Variants in FSTL4 observed in about 807,000 individuals in gnomAD.
The protein encoded by FSTL4 is follistatin like 4.
A neutral mutation model predicts 78.2 loss-of-function variants in FSTL4; 28 were observed. The observed-to-expected ratio is 0.36, with a 90% CI of 0.27 to 0.49. The LOEUF (loss-of-function observed/expected upper bound fraction) is 0.49, where lower values mean the gene tolerates loss of function less well. FSTL4 is among the 20% of genes least tolerant of loss of function. FSTL4 has a pLI of 0.98. For missense variants in FSTL4, 922 were observed against 1,084.9 expected (o/e 0.85, Z 2.11); for synonymous variants, 422 against 440.5 (o/e 0.96, Z 0.53).
intron 3 of FSTL4, among the ~76,000 whole-genome samples, chr5:133,545,760 T>C (rs1016199644): frequency 6.6e-6 from 1 of 152,210 alleles, no homozygotes; most frequent in Admixed American, 6.5e-5. Context: ...AAAAAGCCTA[T>C]ATTGCCATGA....
rs1750580189 is a variant in FSTL4, at chr5:133,207,976, A to ATCTT, written c.1716+2211_1716+2214dup. 7 of 152,142 alleles carry ATCTT rather than the reference A, an allele frequency of 4.6e-5. No individual in the cohort carries two copies. In the South Asian group the frequency reaches 1.5e-3, roughly 32 times the overall value. The allele number at this position is 152,142 out of a possible 1,614,324, so 9.4% of individuals were successfully genotyped here. A position where few individuals can be genotyped will look rare whatever the true frequency, so the allele number is the denominator to read the frequency against. ...CCTACTCTTTTTACTGAAACAATTT[A>ATCTT]TCTTTAGTTACAGCTTGGTATCAGA... On this transcript the variant is annotated intron_variant, in intron 14 of 15. Coordinates refer to ENST00000265342, the MANE Select transcript of FSTL4 (RefSeq NM_015082.2).
At chr5:133,317,914 G>A (rs1753948832) in intron 4 of FSTL4, among the ~76,000 whole-genome samples, 1 of 152,192 alleles carries the variant, frequency 6.6e-6, no homozygotes, top group South Asian at 2.1e-4. Context: ...GAAGCTACTG[G>A]GGGGAAAGGG....
At chr5:133,640,881 G>T in the FSTL4 span, among the ~76,000 whole-genome samples, 1 of 152,208 alleles carries the variant, frequency 6.6e-6, no homozygotes, top group Non-Finnish European at 1.5e-5. Flanking sequence ...CTGCCTCGCT[G>T]CTCTGGAGAG....
At chr5:133,763,817 C>A in the FSTL4 span, among the ~76,000 whole-genome samples, 4 of 152,170 alleles carry the variant, frequency 2.6e-5, no homozygotes, top group Admixed American at 2.6e-4. Flanking sequence ...AGACCAAGAC[C>A]CCAGGCCCCT....
At chr5:133,222,421 G>A (rs890818) in intron 11 of FSTL4, among the ~76,000 whole-genome samples, 41,152 of 151,944 alleles carry the variant, frequency 0.27, 8,304 homozygotes, top group African/African-American at 0.55. Flanking sequence ...CACCCACAGC[G>A]GGAACTTCTC....
Position 133,578,377 on chromosome 5 carries a change from G to A in FSTL4, c.127-11158C>T, listed in dbSNP as rs571468904. Among the ~76,000 whole-genome samples, 9 of 152,292 alleles carry A rather than the reference G, an allele frequency of 5.9e-5. No homozygotes were observed. The South Asian group carries it at 1.9e-3, about 32-fold the overall frequency. ...ACCCGGATACTTCCCACTCCAGTTTGCCCATCTGTAAAACGGGCAGACCCG... is the reference window on the plus strand; with the variant it reads ...ACCCGGATACTTCCCACTCCAGTTTACCCATCTGTAAAACGGGCAGACCCG... On this transcript the variant is annotated intron_variant, in intron 2 of 15. Coordinates refer to ENST00000265342, the MANE Select transcript of FSTL4 (RefSeq NM_015082.2).
intron 5 of FSTL4, among the ~76,000 whole-genome samples, chr5:133,313,834 T>G (rs1429843321): frequency 1.3e-5 from 2 of 152,206 alleles, no homozygotes; most frequent in African/African-American, 4.8e-5. Context: ...ATTTCTGCAT[T>G]GGAAATTGAT....
chr5:133,643,451 T>C, the FSTL4 span, among the ~76,000 whole-genome samples: 2 of 152,060 alleles, frequency 1.3e-5, no homozygotes, highest in Admixed American at 6.6e-5. Context: ...CCTCAGACCC[T>C]AGGTCTCAGG....
At chr5:133,322,004 G>A (rs566223266) in intron 4 of FSTL4, among the ~76,000 whole-genome samples, 1 of 152,318 alleles carries the variant, frequency 6.6e-6, no homozygotes, top group Admixed American at 6.5e-5. Flanking sequence ...AGAACTTTGT[G>A]TTGTTCTAAA....
the FSTL4 span, among the ~76,000 whole-genome samples, chr5:133,739,622 G>T: frequency 6.6e-6 from 1 of 152,146 alleles, no homozygotes; most frequent in Non-Finnish European, 1.5e-5. Flanking sequence ...AATCTTCAAG[G>T]GTCCTCAGGA....
chr5:133,778,056 G>A, the FSTL4 span, among the ~76,000 whole-genome samples: 1 of 152,206 alleles, frequency 6.6e-6, no homozygotes, highest in Non-Finnish European at 1.5e-5. Flanking sequence ...CAGCTGGTCA[G>A]TGGGCCCCAA....
chr5:133,812,111 C>T, the FSTL4 span, among the ~76,000 whole-genome samples: 9 of 152,256 alleles, frequency 5.9e-5, no homozygotes, highest in South Asian at 1.0e-3. Flanking sequence ...ATTCCACAGC[C>T]GAATAATCAG....
intron 2 of FSTL4, chr5:133,575,109 C>A (rs1760250084): frequency 6.6e-6 from 1 of 152,112 alleles, no homozygotes; most frequent in South Asian, 2.1e-4. Context: ...CAGGAGTAAT[C>A]AGAAGTTTGT....
chr5:133,368,246 GCAGCCAGC>G (rs1554108645), intron 4 of FSTL4, among the ~76,000 whole-genome samples: 3 of 152,242 alleles, frequency 2.0e-5, no homozygotes, highest in Non-Finnish European at 4.4e-5. Context: ...GGTCAGCCAT[GCAGCCAGC>G]CAGCCAGCCA....
At chr5:133,545,726 T>C (rs1276196623) in intron 3 of FSTL4, among the ~76,000 whole-genome samples, 1 of 152,200 alleles carries the variant, frequency 6.6e-6, no homozygotes, top group Non-Finnish European at 1.5e-5. Flanking sequence ...TGTTCCAAAA[T>C]TGTTCCAAAA....
At chr5:133,757,107 C>T in the FSTL4 span, among the ~76,000 whole-genome samples, 2 of 152,184 alleles carry the variant, frequency 1.3e-5, no homozygotes, top group African/African-American at 4.8e-5. Context: ...TAGCAAAATC[C>T]TGCACAAATG....
chr5:133,693,254 A>T, the FSTL4 span, among the ~76,000 whole-genome samples: 1 of 152,218 alleles, frequency 6.6e-6, no homozygotes, highest in African/African-American at 2.4e-5. Context: ...AAAATAAGAA[A>T]ACTTTTAAAG....
intron 4 of FSTL4, among the ~76,000 whole-genome samples, chr5:133,365,757 T>A (rs1755169938): frequency 6.6e-6 from 1 of 152,238 alleles, no homozygotes; most frequent in Non-Finnish European, 1.5e-5. Flanking sequence ...CATTTCAACT[T>A]CCTCCTGAAC....
chr5:133,613,090 T>C (rs187046444), upstream of FSTL4, among the ~76,000 whole-genome samples: 33 of 152,376 alleles, frequency 2.2e-4, no homozygotes, highest in East Asian at 4.8e-3. Context: ...TTTGCCTACC[T>C]GACCTAGCTG....
Sources: allele counts gnomAD v4.1 joint callset (sites outside exome capture counted in the v4.1 genomes callset), GRCh38; gene constraint gnomAD v4.1.1; transcripts MANE v1.5; gene names NCBI Gene and HGNC (gene_info 2026-07-23, HGNC 2026-07-21).